SART1: variants seen among roughly 807,000 people sequenced by gnomAD.
SART1 encodes the protein U4/U6.U5 tri-snRNP-associated protein 1.
SART1 carries 28 observed loss-of-function variants against 105.0 expected under a neutral mutation model. The observed-to-expected ratio is 0.27, with a 90% CI of 0.20 to 0.37. The LOEUF is 0.37. Among genes scored for constraint, SART1 ranks in the 10% least tolerant of loss-of-function variants. The probability of loss-of-function intolerance (pLI) is 1.00; values close to 1 mark genes in which losing one functional copy is unlikely to be tolerated. For synonymous variants in SART1, 472 were observed against 462.9 expected (o/e 1.02, Z -0.25); for missense variants, 894 against 1,106.5 (o/e 0.81, Z 2.72).
chr11:65,964,020 G>A, intron 1 of SART1, 54 bp from the exon 2 acceptor site: 1 of 1,559,892 alleles, frequency 6.4e-7, no homozygotes. Flanking sequence ...AGCCAACGAT[G>A]CTGGCTTCTT....
rs892349664 is a variant in SART1, at chr11:65,964,594, G to A, written c.427+24G>A. The A allele has an allele frequency of 5.0e-6, 8 of 1,594,040 alleles. No individual in the cohort carries two copies. The African/African-American group carries it at 9.5e-5, about 19-fold the overall frequency. On this transcript the variant is annotated intron_variant, in intron 3 of 19. Transcript: ENST00000312397. ...GGGTGAGTATGGGGCTGAGGATAGG[G>A]TTTGGGGGAAAGAGGCCATCTGAAG... is the stretch of plus-strand genomic sequence containing the variant.
chr11:65,962,123 G>A, intron 1 of SART1, 30 bp downstream of exon 1: 6 of 1,144,434 alleles, frequency 5.2e-6, no homozygotes, highest in Non-Finnish European at 7.1e-6. Flanking sequence ...GCAGGGGGCG[G>A]GTCGGGCGGG....
chr11:65,967,903 T>C, intron 12 of SART1, 82 bp downstream of exon 12: 1 of 1,158,686 alleles, frequency 8.6e-7, no homozygotes, highest in East Asian at 2.9e-5. Context: ...ACAGCCACAT[T>C]CCTGTCTGAA....
chr11:65,978,495 A>G lies in SART1; in HGVS notation c.2173-105A>G. ...CTTCCCACTGCACCCCAGGCCTGGC[A>G]TTGGGGTCAATCAACACCCGCCCTG... is the stretch of plus-strand genomic sequence containing the variant. On this transcript the variant is annotated intron_variant, in intron 17 of 19. Transcript: ENST00000312397. The surrounding 1 kb of genome is among the most constrained non-coding windows in gnomAD (Gnocchi z 6.8). 9.2e-7 allele frequency: 1 copy of G among 1,086,344 alleles called. No individual in the cohort carries two copies. The highest frequency in any genetic ancestry group is 2.6e-5 in the East Asian group (1 of 38,502). The allele number at this position is 1,086,344 out of a possible 1,614,324, so 67.3% of individuals were successfully genotyped here.
Position 65,978,800 on chromosome 11 carries a change from A to G in SART1, c.2270A>G (p.Lys757Arg). 1 of 1,613,938 alleles carries G rather than the reference A, an allele frequency of 6.2e-7. No homozygotes were observed. The highest frequency in any genetic ancestry group is 8.5e-7 in the Non-Finnish European group (1 of 1,179,930). Reference protein sequence around the residue: ...MKKLDEEALLKKMSSSDTPLG... With the variant: ...MKKLDEEALLRKMSSSDTPLG... ...GTGGCCCCGACCCCTCAGCTCCTGA[A>G]GAAGATGAGCTCCAGCGACACGCCC... Residue 757 changes from lysine (K) to arginine (R), a missense_variant, in exon 19 of 20, where the codon AAG (lysine) becomes AGG (arginine). Coordinates refer to ENST00000312397, the MANE Select transcript of SART1 (RefSeq NM_005146.5). The surrounding 1 kb of genome is among the most constrained non-coding windows in gnomAD (Gnocchi z 6.8).
chr11:65,974,434 A>C (rs1855443283), intron 12 of SART1, among the ~76,000 whole-genome samples: 1 of 150,626 alleles, frequency 6.6e-6, no homozygotes, highest in Non-Finnish European at 1.5e-5. Flanking sequence ...TAGTCCCAGC[A>C]CTTTGGGAGG....
chr11:65,974,219 A>C (rs1855436227), intron 12 of SART1, among the ~76,000 whole-genome samples: 1 of 150,400 alleles, frequency 6.6e-6, no homozygotes, highest in Non-Finnish European at 1.5e-5. Flanking sequence ...AAAAAAAAAA[A>C]AAAAATTAGC....
Position 65,978,753 on chromosome 11 carries a change from G to A in SART1, c.2263-40G>A. The A allele has an allele frequency of 6.2e-7, 1 of 1,613,784 alleles. No homozygotes were observed. The highest frequency in any genetic ancestry group is 8.5e-7 in the Non-Finnish European group (1 of 1,179,818). ...CGGGGCAGGGGTGGCTGGTGTGTGGGGCCTGCTGCAGCCCTTTCTGAGTGG... is the reference window on the plus strand; with the variant it reads ...CGGGGCAGGGGTGGCTGGTGTGTGGAGCCTGCTGCAGCCCTTTCTGAGTGG... On this transcript the variant is annotated intron_variant, in intron 18 of 19. Coordinates refer to ENST00000312397, the MANE Select transcript of SART1 (RefSeq NM_005146.5). The surrounding 1 kb of genome is among the most constrained non-coding windows in gnomAD (Gnocchi z 6.8).
chr11:65,961,749 G>C lies in SART1; in HGVS notation c.-32G>C. On this transcript the variant is annotated 5_prime_UTR_variant, in exon 1 of 20. Coordinates refer to ENST00000312397, the MANE Select transcript of SART1 (RefSeq NM_005146.5). ...TCCCATTTTGCGTTGTCTGGGCTCG[G>C]CGGCAGCCGGGCTCGGAGTGGACGT... 6.8e-7 allele frequency: 1 copy of C among 1,467,056 alleles called. No homozygotes were observed. Among genetic ancestry groups the C allele is most frequent in the Non-Finnish European group, 9.0e-7 (1 of 1,114,434 alleles). 90.9% of individuals were successfully genotyped at this position (1,467,056 alleles called of 1,614,324 possible). A position where few individuals can be genotyped will look rare whatever the true frequency, so the allele number is the denominator to read the frequency against.
chr11:65,963,030 TG>T (rs1855177875), intron 1 of SART1, among the ~76,000 whole-genome samples: 1 of 151,738 alleles, frequency 6.6e-6, no homozygotes, highest in South Asian at 2.1e-4. Context: ...TCAAGGTTGA[TG>T]GTAATGGGGA....
intron 15 of SART1, 144 bp downstream of exon 15, chr11:65,977,245 C>T (rs988337251): frequency 1.7e-5 from 11 of 649,224 alleles, no homozygotes; most frequent in Admixed American, 1.0e-4. Flanking sequence ...CACTCCTTCC[C>T]CTCCACTGTG....
chr11:65,961,777 C>T lies in SART1; in HGVS notation c.-4C>T. The T allele has an allele frequency of 1.3e-6, 2 of 1,508,738 alleles. No homozygotes were observed. The highest frequency in any genetic ancestry group is 1.3e-5 in the South Asian group (1 of 77,572). 93.5% of individuals were successfully genotyped at this position (1,508,738 alleles called of 1,614,324 possible). A position where few individuals can be genotyped will look rare whatever the true frequency, so the allele number is the denominator to read the frequency against. On this transcript the variant is annotated 5_prime_UTR_variant, in exon 1 of 20. Transcript: ENST00000312397. ...GCAGCCGGGCTCGGAGTGGACGTGC[C>T]ACTATGGGGTCGTCCAAGAAGCATC... is the stretch of plus-strand genomic sequence containing the variant.
rs1855200145 is a variant in SART1 at position 65,964,096 on chromosome 11, A to G, written c.336A>G (p.Ser112=). The G allele has an allele frequency of 2.5e-6, 4 of 1,612,858 alleles. No homozygotes were observed. The highest frequency in any genetic ancestry group is 1.3e-5 in the African/African-American group (1 of 74,918). ...YEAAASSKTS[S]GDASSLSIEE... ...CAGCTGCCAGCTCCAAAACTAGCTC[A>G]GGCGATGCCTCCTCACTCAGCATCG... Residue 112 remains serine, a synonymous_variant, in exon 2 of 20, where the codon TCA becomes TCG. Transcript: ENST00000312397.
In SART1 at chr11:65,967,773, G is replaced by T; in HGVS notation, c.1524G>T (p.Arg508=). The T allele has an allele frequency of 6.5e-7, 1 of 1,549,972 alleles. No individual in the cohort carries two copies. The highest frequency in any genetic ancestry group is 8.7e-7 in the Non-Finnish European group (1 of 1,147,220). Residue 508 remains arginine (R), a synonymous_variant, in exon 12 of 20, where the codon CGG becomes CGT. Coordinates refer to ENST00000312397, the MANE Select transcript of SART1 (RefSeq NM_005146.5). ...AGAAGCAGCTGGAGAAGGGACGCCGGCTGCGACAGTTACAGCAGCTACAGC... is the reference window on the plus strand; with the variant it reads ...AGAAGCAGCTGGAGAAGGGACGCCGTCTGCGACAGTTACAGCAGCTACAGC... ...ELQKQLEKGR[R]LRQLQQLQQL...
rs774044800 is a variant in SART1, at chr11:65,976,426, G to A, written c.1604G>A (p.Arg535His). ...VVEIVKKLES[R>H]QRGWEEDEDP... ...GAGATTGTGAAGAAGCTGGAGTCTC[G>A]CCAGCGGGGCTGGGAGGAGGATGAG... The change falls in exon 13 of 20, where the codon CGC becomes CAC. Residue 535 changes from arginine (R) to histidine (H), a missense_variant. This residue lies in a region of SART1 where 712 missense variants were observed against 778.2 expected (regional missense o/e 0.91). Transcript: ENST00000312397. This position sits in a 1 kb window ranked among gnomAD's most constrained non-coding sequence, Gnocchi z 5.1. 4.5e-6 allele frequency: 7 copies of A among 1,560,604 alleles called. No homozygotes were observed. The highest frequency in any genetic ancestry group is 4.1e-5 in the African/African-American group (3 of 73,088).
At position 65,967,475 on chromosome 11, in the gene SART1, CG is replaced by C; in HGVS notation, c.1322del (p.Gly441AspfsTer89). On this transcript the variant is annotated frameshift_variant, in exon 11 of 20. Transcript: ENST00000312397. LOFTEE classifies it high-confidence loss of function. The part of the protein sequence containing the change: ...TQDGDFGSRL[R>X]GRGRRRVSEV... ...AGAGAGGCCTCCTTCCCTCAGACTGCGGGGACGGGGTCGCCGCCGAGTGTCC... is the reference window on the plus strand; with the variant it reads ...AGAGAGGCCTCCTTCCCTCAGACTGCGGGACGGGGTCGCCGCCGAGTGTCC... 1 of 1,613,252 alleles carries C rather than the reference CG, an allele frequency of 6.2e-7. No homozygotes were observed. The highest frequency in any genetic ancestry group is 8.5e-7 in the Non-Finnish European group (1 of 1,179,880).
Position 65,976,632 on chromosome 11 carries a change from C to G in SART1, c.1747-24C>G. ...TGGGTGGGCTGGCTGGGGCCTGGGC[C>G]GACCCTGGTCTTTTGTGCCCCAGGA... On this transcript the variant is annotated intron_variant, in intron 13 of 19. Transcript: ENST00000312397. This position sits in a 1 kb window ranked among gnomAD's most constrained non-coding sequence, Gnocchi z 5.1. 6.2e-7 allele frequency: 1 copy of G among 1,613,274 alleles called. No individual in the cohort carries two copies. Among genetic ancestry groups the G allele is most frequent in the African/African-American group, 1.3e-5 (1 of 75,044 alleles).
intron 1 of SART1, among the ~76,000 whole-genome samples, chr11:65,963,674 G>T (rs1402395327): frequency 6.6e-6 from 1 of 152,102 alleles, no homozygotes; most frequent in Non-Finnish European, 1.5e-5. Context: ...TAGAGACGGG[G>T]TTTCACCATC....
Position 65,978,913 on chromosome 11 carries a change from G to C in SART1, c.2383G>C (p.Ala795Pro). Residue 795 changes from alanine to proline, a missense_variant and splice_region_variant, in exon 19 of 20, where the codon GCG becomes CCG. Physicochemically the swap from Ala to Pro is conservative, Grantham distance 27. This residue lies in a region of SART1 where 182 missense variants were observed against 328.3 expected (regional missense o/e 0.55). Transcript: ENST00000312397. This position sits in a 1 kb window ranked among gnomAD's most constrained non-coding sequence, Gnocchi z 6.8. ...CAGCGGCAGCGGCAAGAGCATGAAC[G>C]CGTGAGTGGCTCGAGGCTGGTGGGG... is the stretch of plus-strand genomic sequence containing the variant. Reference protein sequence around the residue: ...VLSGSGKSMNANTITK With the variant: ...VLSGSGKSMNPNTITK The C allele has an allele frequency of 6.2e-7, 1 of 1,613,972 alleles. No individual in the cohort carries two copies. Among genetic ancestry groups the C allele is most frequent in the Non-Finnish European group, 8.5e-7 (1 of 1,179,974 alleles).
Sources: gnomAD v4.1 joint callset for allele counts (sites outside exome capture counted in the v4.1 genomes callset) on GRCh38, gnomAD v4.1.1 for gene constraint, gnomAD v4.1.1 regional missense constraint, Gnocchi (gnomAD v3.1) non-coding constraint, MANE v1.5 for transcripts, NCBI Gene and HGNC (gene_info 2026-07-23, HGNC 2026-07-21) for gene names.